Variants in LRRC36 observed in about 807,000 individuals in gnomAD.
LRRC36 encodes leucine-rich repeat-containing protein 36.
LRRC36 carries 62 observed loss-of-function variants against 81.1 expected under a neutral mutation model. The ratio of observed to expected loss-of-function variants is 0.76; its 90% CI spans 0.62 to 0.94. The LOEUF (loss-of-function observed/expected upper bound fraction) is 0.94. Ranked by LOEUF, LRRC36 falls within the 40% of genes least tolerant of loss-of-function variation. The pLI, the probability that LRRC36 is intolerant of heterozygous loss-of-function variation, is 0.00. For synonymous variants in LRRC36, 334 were observed against 348.6 expected (o/e 0.96, Z 0.47); for missense variants, 761 against 881.7 (o/e 0.86, Z 1.73).
chr16:67,382,101 C>T, intron 12 of LRRC36, 32 bp from the exon 13 acceptor site: 1 of 1,407,070 alleles, frequency 7.1e-7, no homozygotes, highest in African/African-American at 1.4e-5. Context: ...GCTTGGAATC[C>T]TTTTCACCCC....
chr16:67,328,800 A>G (rs780712659), intron 1 of LRRC36, among the ~76,000 whole-genome samples: 10 of 152,026 alleles, frequency 6.6e-5, no homozygotes, highest in Non-Finnish European at 1.0e-4. Context: ...TCTTTCACGT[A>G]TACCTCACCT....
In LRRC36 at chr16:67,326,817, G is replaced by T; in HGVS notation, c.-46G>T. ...CGGGGCAGTGGGCGGGGCCTGGCGT[G>T]CGCCGGGTGGTCTCGCGGGCGGTGG... On this transcript the variant is annotated 5_prime_UTR_variant, in exon 1 of 14. Coordinates refer to ENST00000329956, the MANE Select transcript of LRRC36 (RefSeq NM_018296.6). The T allele has an allele frequency of 5.0e-6, 7 of 1,394,568 alleles. No individual in the cohort carries two copies. Among genetic ancestry groups the T allele is most frequent in the Non-Finnish European group, 6.5e-6 (7 of 1,083,242 alleles). 86.4% of individuals were successfully genotyped at this position (1,394,568 alleles called of 1,614,324 possible). A position where few individuals can be genotyped will look rare whatever the true frequency, so the allele number is the denominator to read the frequency against.
chr16:67,334,677 C>T (rs1360886977), intron 1 of LRRC36, among the ~76,000 whole-genome samples: 1 of 152,112 alleles, frequency 6.6e-6, no homozygotes, highest in Non-Finnish European at 1.5e-5. Context: ...ATCCCCTGTG[C>T]CCCACCATCT....
At chr16:67,330,869 A>C (rs2037449100) in intron 1 of LRRC36, among the ~76,000 whole-genome samples, 1 of 151,916 alleles carries the variant, frequency 6.6e-6, no homozygotes, top group African/African-American at 2.4e-5. Flanking sequence ...AGTCTAAATA[A>C]ATAAATAAAT....
intron 3 of LRRC36, 116 bp downstream of exon 3, chr16:67,346,564 C>T (rs994235428): frequency 2.1e-5 from 11 of 522,212 alleles, no homozygotes; most frequent in East Asian, 9.0e-5. Context: ...GTTTATTAGT[C>T]AATATTTATG....
At chr16:67,382,714 T>G (rs1052068107) in intron 13 of LRRC36, among the ~76,000 whole-genome samples, 1 of 152,176 alleles carries the variant, frequency 6.6e-6, no homozygotes, top group African/African-American at 2.4e-5. Flanking sequence ...CTGGGTGTGG[T>G]GGCTCACGCC....
chr16:67,349,419 G>A (rs1336488163), intron 4 of LRRC36, among the ~76,000 whole-genome samples: 3 of 151,998 alleles, frequency 2.0e-5, no homozygotes, highest in African/African-American at 7.3e-5. Flanking sequence ...TAAAGCATCT[G>A]ATACATACAG....
chr16:67,342,108 G>T, intron 2 of LRRC36, 24 bp downstream of exon 2: 3 of 1,508,996 alleles, frequency 2.0e-6, no homozygotes, highest in Non-Finnish European at 2.7e-6. Flanking sequence ...TCTATGACCA[G>T]CCAGGTCTGC....
intron 5 of LRRC36, among the ~76,000 whole-genome samples, chr16:67,352,318 A>G (rs1293083429): frequency 1.3e-5 from 2 of 152,248 alleles, no homozygotes; most frequent in East Asian, 3.8e-4. Context: ...TGGTAATCCA[A>G]TATGATCAAA....
intron 12 of LRRC36, among the ~76,000 whole-genome samples, chr16:67,381,039 C>T (rs1024994922): frequency 6.6e-6 from 1 of 151,994 alleles, no homozygotes; most frequent in Non-Finnish European, 1.5e-5. Context: ...GCCTGGCAAA[C>T]ATGGTGAAAC....
rs1029145834 is a variant in LRRC36 at position 67,373,429 on chromosome 16, C to T, written c.1495-1818C>T. On this transcript the variant is annotated intron_variant, in intron 9 of 13. Coordinates refer to ENST00000329956, the MANE Select transcript of LRRC36 (RefSeq NM_018296.6). ...TTTTTTTTTAAAGCCGGGCATGGACCGGGCACAGTGGCTCACACCTGTAAT... is the reference window on the plus strand; with the variant it reads ...TTTTTTTTTAAAGCCGGGCATGGACTGGGCACAGTGGCTCACACCTGTAAT... Among the ~76,000 whole-genome samples, 34 of 150,856 alleles carry T rather than the reference C, an allele frequency of 2.3e-4. 1 individual carries two copies. The highest frequency in any genetic ancestry group is 7.6e-4 in the African/African-American group (31 of 41,006).
chr16:67,353,356 A>G (rs2038744736), intron 5 of LRRC36, among the ~76,000 whole-genome samples: 2 of 151,198 alleles, frequency 1.3e-5, no homozygotes, highest in African/African-American at 4.9e-5. Context: ...CTTCCTTTCC[A>G]TTTCTTTTTT....
At chr16:67,356,158 A>G (rs2038895367) in intron 5 of LRRC36, among the ~76,000 whole-genome samples, 1 of 152,216 alleles carries the variant, frequency 6.6e-6, no homozygotes, top group South Asian at 2.1e-4. Flanking sequence ...GTCTTGCTGA[A>G]AATATACTGA....
chr16:67,370,920 T>C (rs2039608411), intron 8 of LRRC36, 24 bp from the exon 9 acceptor site: 1 of 1,599,162 alleles, frequency 6.3e-7, no homozygotes, highest in Non-Finnish European at 8.5e-7. Context: ...GGCAGGTTCA[T>C]CTGTTAGCCT....
rs756460981 is a variant in LRRC36, at chr16:67,378,613, A to G, written c.1831A>G (p.Arg611Gly). Residue 611 changes from arginine (R) to glycine (G), a missense_variant, in exon 12 of 14, where the codon AGA (arginine) becomes GGA (glycine). Arg to Gly is a moderately radical substitution (Grantham distance 125). Coordinates refer to ENST00000329956, the MANE Select transcript of LRRC36 (RefSeq NM_018296.6). ...GGAAAGTTTGAAGCAAAAACTGGTC[A>G]GAGTGCTGGAGGAAAACCTCATTTT... is the stretch of plus-strand genomic sequence containing the variant. The part of the protein sequence containing the change: ...DMESLKQKLV[R>G]VLEENLILSE... 1.8e-5 allele frequency: 29 copies of G among 1,614,108 alleles called. No homozygotes were observed. The highest frequency in any genetic ancestry group is 1.3e-4 in the East Asian group (6 of 44,874).
intron 1 of LRRC36, among the ~76,000 whole-genome samples, chr16:67,327,297 G>C (rs1361094851): frequency 6.6e-6 from 1 of 151,846 alleles, no homozygotes; most frequent in Non-Finnish European, 1.5e-5. Flanking sequence ...TGGATCACCT[G>C]AGCGTGGCCA....
intron 7 of LRRC36, 65 bp downstream of exon 7, chr16:67,365,420 A>G: frequency 7.0e-7 from 1 of 1,419,630 alleles, no homozygotes; most frequent in South Asian, 1.2e-5. Flanking sequence ...ATGTGATGGG[A>G]TTTGGGAGAT....
intron 5 of LRRC36, chr16:67,362,419 C>T (rs1430810963): frequency 3.9e-6 from 1 of 259,078 alleles, no homozygotes; most frequent in Non-Finnish European, 7.8e-6. Flanking sequence ...CCTCAGCCTC[C>T]CAAAGTGCTG....
intron 4 of LRRC36, among the ~76,000 whole-genome samples, chr16:67,349,744 T>G (rs1008659833): frequency 1.3e-5 from 2 of 152,166 alleles, no homozygotes; most frequent in African/African-American, 4.8e-5. Context: ...AAGTATGGCT[T>G]TAACTGAAAT....
Sources: gnomAD v4.1 joint callset for allele counts (sites outside exome capture counted in the v4.1 genomes callset) on GRCh38, gnomAD v4.1.1 for gene constraint, MANE v1.5 for transcripts, NCBI Gene and HGNC (gene_info 2026-07-23, HGNC 2026-07-21) for gene names.